The following PXDNL variants were observed in gnomAD, a reference collection of about 807,000 sequenced individuals.
PXDNL encodes the protein probable oxidoreductase PXDNL.
PXDNL carries 145 observed loss-of-function variants against 150.8 expected under a neutral mutation model. The observed-to-expected ratio is 0.96, with a 90% CI of 0.84 to 1.10. The LOEUF (loss-of-function observed/expected upper bound fraction) is 1.10. Among genes scored for constraint, PXDNL ranks in the 50% least tolerant of loss-of-function variants. The pLI is 0.00. For missense variants in PXDNL, 2,087 were observed against 1,873.9 expected (o/e 1.11, Z -2.10); for synonymous variants, 757 against 725.7 (o/e 1.04, Z -0.69).
chr8:51,408,020 A>AT lies in PXDNL; in HGVS notation c.3557+46_3557+47insA. On this transcript the variant is annotated intron_variant, in intron 17 of 22. Transcript: ENST00000356297. ...ACACAAAATGACCTTTAACACTTTTACCTCTCCTAAGAAATGTTTAAATCC... is the reference window on the plus strand; with the variant it reads ...ACACAAAATGACCTTTAACACTTTTATCCTCTCCTAAGAAATGTTTAAATCC... 4.0e-6 allele frequency: 6 copies of AT among 1,501,106 alleles called. No homozygotes were observed. In the South Asian group the frequency reaches 8.1e-5, roughly 20 times the overall value. The allele number at this position is 1,501,106 out of a possible 1,614,324, so 93.0% of individuals were successfully genotyped here.
chr8:51,574,726 G>C (rs1813013753), intron 3 of PXDNL, among the ~76,000 whole-genome samples: 1 of 152,026 alleles, frequency 6.6e-6, no homozygotes, highest in African/African-American at 2.4e-5. Flanking sequence ...TTTCTCATCA[G>C]AAACCACAGA....
At chr8:51,377,672 C>T (rs538449191) in intron 17 of PXDNL, among the ~76,000 whole-genome samples, 6 of 152,212 alleles carry the variant, frequency 3.9e-5, no homozygotes, top group South Asian at 2.1e-4. Flanking sequence ...CCAGCAGCTG[C>T]GGAGGGTGCA....
At chr8:51,491,335 C>G (rs1312724999) in intron 5 of PXDNL, among the ~76,000 whole-genome samples, 3 of 152,056 alleles carry the variant, frequency 2.0e-5, no homozygotes, top group Non-Finnish European at 2.9e-5. Flanking sequence ...ATGGCAACAA[C>G]CAAAGAATAT....
At chr8:51,738,854 T>C (rs938138289) in intron 1 of PXDNL, among the ~76,000 whole-genome samples, 3 of 152,030 alleles carry the variant, frequency 2.0e-5, no homozygotes, top group African/African-American at 7.3e-5. Context: ...TTCCAAGAAA[T>C]AGGAGACTAG....
Position 51,490,644 on chromosome 8 carries a change from A to T in PXDNL, c.453-6930T>A, listed in dbSNP as rs919174686. Among the ~76,000 whole-genome samples, 9 of 149,710 alleles carry T rather than the reference A, an allele frequency of 6.0e-5. No individual in the cohort carries two copies. The Admixed American group carries it at 6.0e-4, about 10-fold the overall frequency. On this transcript the variant is annotated intron_variant, in intron 5 of 22. Transcript: ENST00000356297. ...GAGTCACATATATATATACATATAT[A>T]TACATATATATACACATATATACAT...
At chr8:51,483,146 T>G (rs957066582) in intron 6 of PXDNL, among the ~76,000 whole-genome samples, 1 of 152,086 alleles carries the variant, frequency 6.6e-6, no homozygotes, top group Non-Finnish European at 1.5e-5. Flanking sequence ...GTGATGGACA[T>G]CAGCCCACGG....
At chr8:51,344,166 G>T (rs114818178) in intron 20 of PXDNL, among the ~76,000 whole-genome samples, 1 of 151,878 alleles carries the variant, frequency 6.6e-6, no homozygotes, top group Non-Finnish European at 1.5e-5. Context: ...GTATAGTGCC[G>T]TGATCGTAAT....
chr8:51,478,159 C>T (rs1810524256), intron 6 of PXDNL, among the ~76,000 whole-genome samples: 1 of 151,958 alleles, frequency 6.6e-6, no homozygotes, highest in African/African-American at 2.4e-5. Context: ...AACCAAGGAG[C>T]AATAGAGTCA....
chr8:51,496,521 T>C (rs751467878), intron 5 of PXDNL, among the ~76,000 whole-genome samples: 2 of 152,102 alleles, frequency 1.3e-5, no homozygotes, highest in East Asian at 1.9e-4. Context: ...GATTGTATAT[T>C]TAGAAAACCC....
At chr8:51,721,714 A>G (rs2130917303) in intron 1 of PXDNL, 1 of 465,086 alleles carries the variant, frequency 2.2e-6, no homozygotes, top group South Asian at 1.7e-5. Flanking sequence ...ATTCTCCACA[A>G]GATCGGGAAC....
At chr8:51,637,493 G>C (rs1488620878) in intron 2 of PXDNL, among the ~76,000 whole-genome samples, 1 of 152,214 alleles carries the variant, frequency 6.6e-6, no homozygotes, top group Non-Finnish European at 1.5e-5. Flanking sequence ...AAACAGTGTA[G>C]AGAAGTCCTT....
At chr8:51,502,983 AT>A (rs1435350921) in intron 4 of PXDNL, among the ~76,000 whole-genome samples, 2 of 152,140 alleles carry the variant, frequency 1.3e-5, no homozygotes, top group Non-Finnish European at 2.9e-5. Context: ...ATAATTATCG[AT>A]TTAATATTTA....
At chr8:51,603,839 A>C (rs909883577) in intron 2 of PXDNL, among the ~76,000 whole-genome samples, 2 of 152,150 alleles carry the variant, frequency 1.3e-5, no homozygotes, top group Admixed American at 1.3e-4. Flanking sequence ...AATTGTAAAG[A>C]AAATATTTAC....
Position 51,319,999 on chromosome 8 carries a change from C to T in PXDNL, c.4284G>A (p.Val1428=). Residue 1428 remains valine, a synonymous_variant, in exon 23 of 23, where the codon GTG becomes GTA. Coordinates refer to ENST00000356297, the MANE Select transcript of PXDNL (RefSeq NM_144651.5). ...ICESGQVTCV[V]EICPPAPCPS... is the part of the protein sequence containing the mutation. The stretch of plus-strand genomic sequence containing the variant: ...GACAGGGAGCCGGGGGACAAATCTC[C>T]ACCACACAGGTGACCTGGCCACTCT... 1 of 1,562,390 alleles carries T rather than the reference C, an allele frequency of 6.4e-7. No individual in the cohort carries two copies.
At chr8:51,627,852 C>G (rs540835260) in intron 2 of PXDNL, among the ~76,000 whole-genome samples, 17 of 152,266 alleles carry the variant, frequency 1.1e-4, no homozygotes, top group Middle Eastern at 3.4e-3. Context: ...AGAGAATTCT[C>G]AAAGTATTTG....
At chr8:51,780,136 C>T (rs2037396193) in intron 1 of PXDNL, among the ~76,000 whole-genome samples, 1 of 152,074 alleles carries the variant, frequency 6.6e-6, no homozygotes, top group South Asian at 2.1e-4. Flanking sequence ...CACTTGAATT[C>T]AGGAGGTAGA....
At chr8:51,386,988 T>C (rs762245264) in intron 17 of PXDNL, among the ~76,000 whole-genome samples, 28 of 152,206 alleles carry the variant, frequency 1.8e-4, no homozygotes, top group Admixed American at 2.0e-4. Flanking sequence ...TTTTTTCCAG[T>C]CTTATGAAGT....
rs1308858969 is a variant in PXDNL at position 51,668,523 on chromosome 8, A to C, written c.165-13763T>G. On this transcript the variant is annotated intron_variant, in intron 1 of 22. Transcript: ENST00000356297. ...CATGGTAATAAGACAAAAGGCTAAA[A>C]GGAGAAAAGCACTCTTACGAGAAGG... Among the ~76,000 whole-genome samples, 6 of 152,136 alleles carry C rather than the reference A, an allele frequency of 3.9e-5. No individual in the cohort carries two copies. The East Asian group carries it at 1.2e-3, about 29-fold the overall frequency.
chr8:51,430,225 T>C (rs944007258), intron 12 of PXDNL, among the ~76,000 whole-genome samples: 1 of 152,240 alleles, frequency 6.6e-6, no homozygotes, highest in Non-Finnish European at 1.5e-5. Context: ...CATCTCCTCA[T>C]TTGGACTTTA....
Sources: allele counts gnomAD v4.1 joint callset (sites outside exome capture counted in the v4.1 genomes callset), GRCh38; gene constraint gnomAD v4.1.1; transcripts MANE v1.5; gene names NCBI Gene and HGNC (gene_info 2026-07-23, HGNC 2026-07-21).